The following NRF1 variants were observed in gnomAD, a reference collection of about 807,000 sequenced individuals.
NRF1 encodes nuclear respiratory factor 1, also known as alpha palindromic-binding protein.
In NRF1, 5 loss-of-function variants were observed where a neutral mutation model predicts 58.5. That is an observed-to-expected ratio of 0.09 (90% CI 0.04 to 0.18). The LOEUF (loss-of-function observed/expected upper bound fraction) is 0.18. Among genes scored for constraint, NRF1 ranks in the 10% least tolerant of loss-of-function variants. NRF1 has a pLI of 1.00. For synonymous variants in NRF1, 224 were observed against 246.7 expected, an observed-to-expected ratio of 0.91 and a Z score of 0.86; for missense variants, 288 against 657.7, an observed-to-expected ratio of 0.44 and a Z score of 6.15.
chr7:129,643,391 A>T (rs938441781), intron 1 of NRF1, among the ~76,000 whole-genome samples: 1 of 152,146 alleles, frequency 6.6e-6, no homozygotes, highest in Non-Finnish European at 1.5e-5. Context: ...GGGGGGCGGG[A>T]CTTGTGGCAA....
At chr7:129,703,313 G>A (rs989903179) in intron 5 of NRF1, among the ~76,000 whole-genome samples, 1 of 152,158 alleles carries the variant, frequency 6.6e-6, no homozygotes, top group Non-Finnish European at 1.5e-5. Flanking sequence ...GGTCTGAGAG[G>A]TTAGGCTTTA....
intron 1 of NRF1, among the ~76,000 whole-genome samples, chr7:129,652,593 A>T (rs1039377476): frequency 6.6e-6 from 1 of 151,970 alleles, no homozygotes; most frequent in African/African-American, 2.4e-5. Flanking sequence ...TTTAAAATTT[A>T]TTTTTATTTA....
intron 9 of NRF1, among the ~76,000 whole-genome samples, chr7:129,724,442 A>T (rs1803404250): frequency 6.6e-6 from 1 of 152,236 alleles, no homozygotes; most frequent in Non-Finnish European, 1.5e-5. Flanking sequence ...GGAATGTAAA[A>T]TGACATAGCC....
At chr7:129,633,072 A>G (rs1407863664) in intron 1 of NRF1, among the ~76,000 whole-genome samples, 1 of 152,212 alleles carries the variant, frequency 6.6e-6, no homozygotes, top group Non-Finnish European at 1.5e-5. Flanking sequence ...ATGAATGAGC[A>G]TTATATATCA....
intron 2 of NRF1, among the ~76,000 whole-genome samples, chr7:129,661,350 T>A (rs1013048031): frequency 1.3e-5 from 2 of 151,388 alleles, no homozygotes; most frequent in Admixed American, 1.3e-4. Context: ...CTTGAAGTTT[T>A]CCTCAGAAAA....
At chr7:129,626,622 C>T (rs1584584999) in intron 1 of NRF1, among the ~76,000 whole-genome samples, 1 of 152,220 alleles carries the variant, frequency 6.6e-6, no homozygotes, top group East Asian at 1.9e-4. Flanking sequence ...TTTAATGTTA[C>T]TGGGTGACTT....
intron 10 of NRF1, among the ~76,000 whole-genome samples, chr7:129,732,822 G>A (rs563842562): frequency 3.9e-5 from 6 of 152,042 alleles, no homozygotes; most frequent in South Asian, 4.2e-4. Flanking sequence ...GGCTGGTCTC[G>A]AACTCCCGAC....
intron 9 of NRF1, among the ~76,000 whole-genome samples, chr7:129,719,016 G>A (rs1395242605): frequency 6.6e-6 from 1 of 152,162 alleles, no homozygotes. Flanking sequence ...TTTAAGAGTT[G>A]TCTATTCTGA....
chr7:129,613,780 T>C (rs1312902903), intron 1 of NRF1, among the ~76,000 whole-genome samples: 1 of 82,688 alleles, frequency 1.2e-5, no homozygotes, highest in Non-Finnish European at 2.3e-5. Flanking sequence ...GCGCCAGTAA[T>C]CCCAGCTGCT....
At chr7:129,655,680 C>T (rs1399265268) in intron 1 of NRF1, among the ~76,000 whole-genome samples, 1 of 152,126 alleles carries the variant, frequency 6.6e-6, no homozygotes, top group African/African-American at 2.4e-5. Flanking sequence ...TACCACCACA[C>T]CTGGCTAATT....
chr7:129,747,098 CTCTGCCTGGCTCAAGTCTGTTAGTT>C (rs1480281265), intron 10 of NRF1, among the ~76,000 whole-genome samples: 1 of 152,130 alleles, frequency 6.6e-6, no homozygotes, highest in Non-Finnish European at 1.5e-5. Flanking sequence ...CAGCCCTGTG[CTCTGCCTGGCTCAAGTCTGTTAGTT>C]TCTGGAGGAC....
At chr7:129,721,294 T>C (rs1584671471) in intron 9 of NRF1, among the ~76,000 whole-genome samples, 1 of 152,154 alleles carries the variant, frequency 6.6e-6, no homozygotes, top group East Asian at 1.9e-4. Flanking sequence ...ACTTACTTGA[T>C]AGTATATTGT....
At position 129,727,434 on chromosome 7, in the gene NRF1, C is replaced by T; in HGVS notation, c.1348+69C>T. On this transcript the variant is annotated intron_variant, in intron 10 of 10. Coordinates refer to ENST00000393232, the MANE Select transcript of NRF1 (RefSeq NM_005011.5). Reference sequence around the variant, plus strand: ...ACTTAAACCTTCCTGACATGACTGGCAACAAAGCCTTCAGAAAGAGTTTGA... The same window carrying T: ...ACTTAAACCTTCCTGACATGACTGGTAACAAAGCCTTCAGAAAGAGTTTGA... The T allele has an allele frequency of 2.0e-6, 3 of 1,477,586 alleles. No homozygotes were observed. The South Asian group carries it at 4.1e-5, about 20-fold the overall frequency. The allele number at this position is 1,477,586 out of a possible 1,614,324, so 91.5% of individuals were successfully genotyped here. A position where few individuals can be genotyped will look rare whatever the true frequency, so the allele number is the denominator to read the frequency against.
chr7:129,686,919 A>C (rs542573427), intron 4 of NRF1, among the ~76,000 whole-genome samples: 84 of 152,382 alleles, frequency 5.5e-4, no homozygotes, highest in Non-Finnish European at 1.1e-3. Context: ...TTTGTGTACT[A>C]TGAAGAAAGA....
At chr7:129,648,907 C>G (rs1164513518) in intron 1 of NRF1, among the ~76,000 whole-genome samples, 1 of 143,604 alleles carries the variant, frequency 7.0e-6, no homozygotes. Flanking sequence ...ACATGTACAA[C>G]TATAGCTTCA....
chr7:129,671,641 G>C, intron 3 of NRF1, 98 bp downstream of exon 3: 1 of 667,670 alleles, frequency 1.5e-6, no homozygotes. Flanking sequence ...AGGATGCTTG[G>C]TTCGATTCCT....
chr7:129,634,488 AATGGCTTGATAACTTTTC>A lies in NRF1; in HGVS notation c.-7+22679_-7+22696del. Among the ~76,000 whole-genome samples the A allele has an allele frequency of 2.0e-5, 3 of 152,262 alleles. No homozygotes were observed. The East Asian group carries it at 5.8e-4, about 29-fold the overall frequency. ...TTCTGTCACTAAGCAATATGTATTT[AATGGCTTGATAACTTTTC>A]ATGGCTTGATAACTCATTTCTTTTT... On this transcript the variant is annotated intron_variant, in intron 1 of 10. Transcript: ENST00000393232.
intron 10 of NRF1, among the ~76,000 whole-genome samples, chr7:129,727,802 G>C (rs1020049178): frequency 3.3e-5 from 5 of 152,090 alleles, no homozygotes; most frequent in Non-Finnish European, 7.3e-5. Context: ...CTGTGCTTGG[G>C]GTCAGGCAGC....
intron 5 of NRF1, among the ~76,000 whole-genome samples, chr7:129,696,444 C>G (rs987518246): frequency 7.9e-5 from 12 of 151,974 alleles, no homozygotes; most frequent in Non-Finnish European, 1.2e-4. Context: ...ATCCACCTTT[C>G]TGTGTGTGTG....
Sources: gnomAD v4.1 joint callset for allele counts (sites outside exome capture counted in the v4.1 genomes callset) on GRCh38, gnomAD v4.1.1 for gene constraint, MANE v1.5 for transcripts, NCBI Gene and HGNC (gene_info 2026-07-23, HGNC 2026-07-21) for gene names.